The following ADAMTS10 variants were observed in gnomAD, a reference collection of about 807,000 sequenced individuals.
ADAMTS10 encodes ADAM metallopeptidase with thrombospondin type 1 motif 10.
Under a neutral mutation model 135.9 loss-of-function variants are expected in ADAMTS10, and 48 were observed. That is an observed-to-expected ratio of 0.35 (90% CI 0.28 to 0.45). The LOEUF (loss-of-function observed/expected upper bound fraction) is 0.45. Among genes scored for constraint, ADAMTS10 ranks in the 20% least tolerant of loss-of-function variants. The pLI, the probability that ADAMTS10 is intolerant of heterozygous loss-of-function variation, is 1.00. For synonymous variants in ADAMTS10, 621 were observed against 647.5 expected, an observed-to-expected ratio of 0.96 and a Z score of 0.62; for missense variants, 1,131 against 1,565.2, an observed-to-expected ratio of 0.72 and a Z score of 4.68.
At chr19:8,588,672 ACATT>A (rs1408327179) in intron 18 of ADAMTS10, among the ~76,000 whole-genome samples, 1 of 152,160 alleles carries the variant, frequency 6.6e-6, no homozygotes, top group Non-Finnish European at 1.5e-5. Context: ...CTAGCACAGA[ACATT>A]CATTCTCGCA....
At chr19:8,602,277 C>G (rs186033359) in intron 5 of ADAMTS10, among the ~76,000 whole-genome samples, 9 of 152,152 alleles carry the variant, frequency 5.9e-5, no homozygotes, top group African/African-American at 1.9e-4. Flanking sequence ...TGATTATATA[C>G]TTAATTCAAT....
rs949960911 is a variant in ADAMTS10, at chr19:8,603,349, A to G, written c.592+379T>C. On this transcript the variant is annotated intron_variant, in intron 5 of 25. Coordinates refer to ENST00000597188, the MANE Select transcript of ADAMTS10 (RefSeq NM_030957.4). ...GGGTGCAATGGCGTGATCTCTGCTC[A>G]CTGCAACCTCTGCCTCCCGGGTTCA... is the stretch of plus-strand genomic sequence containing the variant. Among the ~76,000 whole-genome samples the G allele has an allele frequency of 1.3e-5, 2 of 152,086 alleles. 1 individual carries two copies. The highest frequency in any genetic ancestry group is 2.9e-5 in the Non-Finnish European group (2 of 68,022).
intron 18 of ADAMTS10, among the ~76,000 whole-genome samples, chr19:8,588,873 C>A (rs561445540): frequency 2.0e-5 from 3 of 151,296 alleles, no homozygotes; most frequent in Non-Finnish European, 4.4e-5. Flanking sequence ...CTCACTGCAA[C>A]CTCCACCTCC....
At chr19:8,584,590 T>C (rs2042398211) in intron 25 of ADAMTS10, among the ~76,000 whole-genome samples, 1 of 152,066 alleles carries the variant, frequency 6.6e-6, no homozygotes, top group Admixed American at 6.6e-5. Context: ...AAAAACCGAT[T>C]TAAAGGAAAA....
intron 6 of ADAMTS10, among the ~76,000 whole-genome samples, chr19:8,600,681 G>A (rs1235437015): frequency 3.3e-5 from 5 of 151,832 alleles, no homozygotes; most frequent in African/African-American, 9.7e-5. Context: ...TGTATTTTTA[G>A]TAGAGATGGG....
rs1555735535 is a variant in ADAMTS10, at chr19:8,580,660, G to GT, written c.*232_*233insA. The stretch of plus-strand genomic sequence containing the variant: ...CTCCCCAGACCCACCCTGGAGGGGG[G>GT]GTCTCACTATGTGAACTGGAAGGGG... On this transcript the variant is annotated 3_prime_UTR_variant, in exon 26 of 26. Coordinates refer to ENST00000597188, the MANE Select transcript of ADAMTS10 (RefSeq NM_030957.4). 3.8e-6 allele frequency: 2 copies of GT among 527,598 alleles called. No homozygotes were observed. The highest frequency in any genetic ancestry group is 6.9e-6 in the Non-Finnish European group (2 of 291,064). 32.7% of individuals were successfully genotyped at this position (527,598 alleles called of 1,614,324 possible).
At position 8,593,845 on chromosome 19, in the gene ADAMTS10, C is replaced by T. The variant is rs782645650; in HGVS notation, c.1480-975G>A. Among the ~76,000 whole-genome samples, 9 of 152,148 alleles carry T rather than the reference C, an allele frequency of 5.9e-5. No homozygotes were observed. The East Asian group carries it at 1.5e-3, about 26-fold the overall frequency. On this transcript the variant is annotated intron_variant, in intron 12 of 25. Transcript: ENST00000597188. ...TTCTGTAATTATCAAGTGTAATCCCCGCTTTGAACCCAATTCTTGTAAGCT... is the reference window on the plus strand; with the variant it reads ...TTCTGTAATTATCAAGTGTAATCCCTGCTTTGAACCCAATTCTTGTAAGCT...
rs781873311 is a variant in ADAMTS10, at chr19:8,596,423, G to A, written c.1085-11C>T. On this transcript the variant is annotated splice_polypyrimidine_tract_variant and intron_variant, in intron 9 of 25. Transcript: ENST00000597188. The surrounding 1 kb of genome is among the most constrained non-coding windows in gnomAD (Gnocchi z 7.2). Reference sequence around the variant, plus strand: ...CCACCGGGGCCAGGCCTGGGAAGACGGACATGTGGGGATGGGGCTGGGAGG... The same window carrying A: ...CCACCGGGGCCAGGCCTGGGAAGACAGACATGTGGGGATGGGGCTGGGAGG... 1.4e-5 allele frequency: 22 copies of A among 1,613,492 alleles called. No homozygotes were observed. The highest frequency in any genetic ancestry group is 1.7e-5 in the Admixed American group (1 of 59,932).
At position 8,609,122 on chromosome 19, in the gene ADAMTS10, G is replaced by A. The variant is rs143346366; in HGVS notation, c.-214-874C>T. Among the ~76,000 whole-genome samples, 280 of 151,142 alleles carry A rather than the reference G, an allele frequency of 1.9e-3. 4 individuals are homozygous for A. Among genetic ancestry groups the A allele is most frequent in the African/African-American group, 6.4e-3 (261 of 41,006 alleles). Reference sequence around the variant, plus strand: ...GTCAGTGAGGGATCTGCACTGTGGCGTGTGTGTGTGACTGCATGTACATTA... The same window carrying A: ...GTCAGTGAGGGATCTGCACTGTGGCATGTGTGTGTGACTGCATGTACATTA... On this transcript the variant is annotated intron_variant, in intron 1 of 25. Coordinates refer to ENST00000597188, the MANE Select transcript of ADAMTS10 (RefSeq NM_030957.4).
chr19:8,592,646 G>A, intron 13 of ADAMTS10, 117 bp downstream of exon 13: 1 of 1,050,304 alleles, frequency 9.5e-7, no homozygotes, highest in East Asian at 2.6e-5. Flanking sequence ...CAAATGGCGG[G>A]CGTGGCCAAT....
At chr19:8,584,861 C>A in intron 25 of ADAMTS10, 34 bp downstream of exon 25, 1 of 1,547,746 alleles carries the variant, frequency 6.5e-7, no homozygotes. Context: ...TGGCCAGGAC[C>A]CTCCTGGCGC....
intron 25 of ADAMTS10, among the ~76,000 whole-genome samples, chr19:8,584,637 G>A (rs2042398694): frequency 6.6e-6 from 1 of 152,174 alleles, no homozygotes; most frequent in Non-Finnish European, 1.5e-5. Context: ...GAGATGAATA[G>A]GTACAGGTTA....
At chr19:8,610,256 GGA>G (rs1491122762) in intron 1 of ADAMTS10, among the ~76,000 whole-genome samples, 1 of 151,070 alleles carries the variant, frequency 6.6e-6, no homozygotes, top group Non-Finnish European at 1.5e-5. Context: ...ACATGCTTGG[GGA>G]CACACACACA....
chr19:8,589,339 G>A lies in ADAMTS10; in HGVS notation c.2061C>T (p.Gly687=), dbSNP rs1047247165. 13 of 1,612,298 alleles carry A rather than the reference G, an allele frequency of 8.1e-6. No individual in the cohort carries two copies. Among genetic ancestry groups the A allele is most frequent in the South Asian group, 3.3e-5 (3 of 91,086 alleles). ...CKHVGCDRVL[G]SDLREDKCRV... ...GGCACTTGTCCTCCCGCAGGTCGGA[G>A]CCCAGGACTCGGTCGCAGCCCACGT... is the stretch of plus-strand genomic sequence containing the variant. Residue 687 remains glycine (G), a synonymous_variant, in exon 18 of 26, where the codon GGC becomes GGT. Transcript: ENST00000597188.
chr19:8,598,816 C>G (rs1381945108), intron 6 of ADAMTS10, among the ~76,000 whole-genome samples: 1 of 151,898 alleles, frequency 6.6e-6, no homozygotes, highest in Non-Finnish European at 1.5e-5. Context: ...CTCAGGTGAT[C>G]CACCCGCCTC....
chr19:8,590,137 G>T, intron 15 of ADAMTS10, 146 bp from the exon 16 acceptor site: 1 of 661,334 alleles, frequency 1.5e-6, no homozygotes, highest in Non-Finnish European at 2.7e-6. Flanking sequence ...CGTGAGACTA[G>T]GCCTGGAAGG....
Position 8,596,102 on chromosome 19 carries a change from G to T in ADAMTS10, c.1308C>A (p.Cys436Ter). 1 of 1,614,220 alleles carries T rather than the reference G, an allele frequency of 6.2e-7. No individual in the cohort carries two copies. Among genetic ancestry groups the T allele is most frequent in the African/African-American group, 1.3e-5 (1 of 75,064 alleles). Residue 436 changes from cysteine to a stop codon, truncating the protein, a stop_gained, in exon 11 of 26, where the codon TGC becomes TGA. Transcript: ENST00000597188. LOFTEE classifies it high-confidence loss of function. This position sits in a 1 kb window ranked among gnomAD's most constrained non-coding sequence, Gnocchi z 7.2. ...MKTNPFVWSS[C>*]SRDYITSFLD... ...GAAAGCTGGTGATGTAGTCACGGCT[G>T]CAGGATGACCACACGAATGGGTTGG...
In ADAMTS10 at chr19:8,597,041, T is replaced by C. The variant is rs1555740414; in HGVS notation, c.986A>G (p.Asn329Ser). The C allele has an allele frequency of 1.2e-6, 2 of 1,614,174 alleles. No individual in the cohort carries two copies. The highest frequency in any genetic ancestry group is 1.7e-5 in the Admixed American group (1 of 60,020). Residue 329 changes from asparagine (N) to serine (S), a missense_variant, in exon 8 of 26, where the codon AAT becomes AGT. This residue lies in a region of ADAMTS10 where 80 missense variants were observed against 164.4 expected (regional missense o/e 0.49). Coordinates refer to ENST00000597188, the MANE Select transcript of ADAMTS10 (RefSeq NM_030957.4). ...AGCCACACCGTTCTCTGGAATGGCA[T>C]TGCCATGGCCGCTGTGGTTCACGAT... ...KSIVNHSGHG[N>S]AIPENGVANH...
At position 8,592,985 on chromosome 19, in the gene ADAMTS10, C is replaced by T. The variant is rs1190664795; in HGVS notation, c.1480-115G>A. The T allele has an allele frequency of 7.3e-6, 7 of 960,344 alleles. No individual in the cohort carries two copies. The South Asian group carries it at 9.7e-5, about 13-fold the overall frequency. 59.5% of individuals were successfully genotyped at this position (960,344 alleles called of 1,614,324 possible). A position where few individuals can be genotyped will look rare whatever the true frequency, so the allele number is the denominator to read the frequency against. ...CACTGCCGGTCCCAGAGCAGAGAGC[C>T]CGGTGCTCCCTTCCTGGCTCGCGGT... On this transcript the variant is annotated intron_variant, in intron 12 of 25. Transcript: ENST00000597188.
Sources: gnomAD v4.1 joint callset for allele counts (sites outside exome capture counted in the v4.1 genomes callset) on GRCh38, gnomAD v4.1.1 for gene constraint, gnomAD v4.1.1 regional missense constraint, Gnocchi (gnomAD v3.1) non-coding constraint, MANE v1.5 for transcripts, NCBI Gene and HGNC (gene_info 2026-07-23, HGNC 2026-07-21) for gene names.